DEPDC1B: variants seen among roughly 807,000 people sequenced by gnomAD.
DEPDC1B encodes DEP domain containing 1B.
DEPDC1B carries 51 observed loss-of-function variants against 66.5 expected under a neutral mutation model. The observed-to-expected ratio is 0.77, with a 90% confidence interval of 0.61 to 0.97. The LOEUF is 0.97. Ranked by LOEUF, DEPDC1B falls within the 50% of genes least tolerant of loss-of-function variation. DEPDC1B has a pLI of 0.00. For missense variants in DEPDC1B, 552 were observed against 637.1 expected, an observed-to-expected ratio of 0.87 and a Z score of 1.44; for synonymous variants, 226 against 223.6, an observed-to-expected ratio of 1.01 and a Z score of -0.10.
At chr5:60,643,212 T>C (rs1056425319) in intron 5 of DEPDC1B, among the ~76,000 whole-genome samples, 2 of 152,112 alleles carry the variant, frequency 1.3e-5, no homozygotes, top group Admixed American at 1.3e-4. Flanking sequence ...AGAAAAAATA[T>C]TAGTCGTCAA....
chr5:60,648,390 T>C (rs189136546), intron 2 of DEPDC1B, among the ~76,000 whole-genome samples: 11 of 152,330 alleles, frequency 7.2e-5, no homozygotes, highest in Admixed American at 2.6e-4. Context: ...TCTCTAAAAT[T>C]TATTGCTCTT....
intron 2 of DEPDC1B, among the ~76,000 whole-genome samples, chr5:60,678,130 AT>A (rs989085128): frequency 1.3e-4 from 20 of 148,726 alleles, no homozygotes; most frequent in South Asian, 2.1e-4. Flanking sequence ...GTAAAATAAA[AT>A]TTTTTTTTTT....
chr5:60,601,912 G>A (rs1184762009), intron 9 of DEPDC1B, among the ~76,000 whole-genome samples: 1 of 152,096 alleles, frequency 6.6e-6, no homozygotes, highest in Non-Finnish European at 1.5e-5. Context: ...TTTTACAGAT[G>A]AGAAAAAGAA....
intron 2 of DEPDC1B, among the ~76,000 whole-genome samples, chr5:60,657,181 G>A (rs1230838807): frequency 3.9e-5 from 6 of 152,184 alleles, no homozygotes; most frequent in Admixed American, 3.9e-4. Context: ...TTATATGAGT[G>A]CTTATGTGTT....
At chr5:60,634,455 G>A (rs1376201061) in intron 7 of DEPDC1B, among the ~76,000 whole-genome samples, 2 of 151,976 alleles carry the variant, frequency 1.3e-5, no homozygotes, top group African/African-American at 2.4e-5. Context: ...GGCGGATCAC[G>A]AGATTAGGAG....
chr5:60,627,232 G>A (rs183634993), intron 7 of DEPDC1B, among the ~76,000 whole-genome samples: 24 of 151,988 alleles, frequency 1.6e-4, no homozygotes, highest in African/African-American at 5.5e-4. Context: ...TCACTAAGAG[G>A]TTACTGACAA....
intron 2 of DEPDC1B, among the ~76,000 whole-genome samples, chr5:60,671,361 C>T (rs1279450288): frequency 6.6e-6 from 1 of 152,212 alleles, no homozygotes; most frequent in Non-Finnish European, 1.5e-5. Flanking sequence ...CACAGGGGTG[C>T]ACAGCTCACA....
At chr5:60,651,561 TAA>T (rs762820812) in intron 2 of DEPDC1B, among the ~76,000 whole-genome samples, 37 of 149,622 alleles carry the variant, frequency 2.5e-4, no homozygotes, top group Non-Finnish European at 4.6e-4. Context: ...AAAAAAAAAC[TAA>T]AAAAAACTAC....
chr5:60,698,869 T>C (rs1219188842), intron 1 of DEPDC1B, among the ~76,000 whole-genome samples: 1 of 152,156 alleles, frequency 6.6e-6, no homozygotes, highest in East Asian at 1.9e-4. Flanking sequence ...TTTTGCTGTG[T>C]TGGCCAGGCT....
chr5:60,599,292 T>C (rs1474807452), intron 9 of DEPDC1B, 32 bp from the exon 10 acceptor site: 18 of 1,488,288 alleles, frequency 1.2e-5, no homozygotes, highest in Non-Finnish European at 1.4e-5. Context: ...TGAAAGAATA[T>C]AGCATATTTT....
chr5:60,667,463 A>C (rs935844316), intron 2 of DEPDC1B, among the ~76,000 whole-genome samples: 1 of 143,582 alleles, frequency 7.0e-6, no homozygotes, highest in South Asian at 2.2e-4. Context: ...ACATATATAC[A>C]AAAAATGGAT....
chr5:60,647,555 T>C (rs758835850), intron 2 of DEPDC1B, 22 bp from the exon 3 acceptor site: 2 of 1,610,226 alleles, frequency 1.2e-6, no homozygotes, highest in African/African-American at 1.3e-5. Flanking sequence ...GAAGAAATTC[T>C]CTATTACTGC....
intron 1 of DEPDC1B, among the ~76,000 whole-genome samples, chr5:60,699,443 GAAAAAA>G (rs528758437): frequency 5.6e-5 from 5 of 89,380 alleles, no homozygotes; most frequent in East Asian, 3.0e-4. Flanking sequence ...TTTTCTCCCA[GAAAAAA>G]AAAAAAAAAA....
chr5:60,638,207 T>C (rs975493642), intron 7 of DEPDC1B, among the ~76,000 whole-genome samples: 2 of 152,226 alleles, frequency 1.3e-5, no homozygotes, highest in African/African-American at 4.8e-5. Context: ...TTTTCCTTTC[T>C]ACCATGTTCC....
chr5:60,615,707 C>T (rs1752535158), intron 7 of DEPDC1B, among the ~76,000 whole-genome samples: 1 of 152,214 alleles, frequency 6.6e-6, no homozygotes, highest in African/African-American at 2.4e-5. Context: ...GTAGACTCCA[C>T]CTCTGGGGGC....
At chr5:60,614,782 G>A (rs1269408400) in intron 7 of DEPDC1B, among the ~76,000 whole-genome samples, 1 of 152,190 alleles carries the variant, frequency 6.6e-6, no homozygotes, top group Non-Finnish European at 1.5e-5. Context: ...CCTGAGGTCA[G>A]GAGTTCGAGA....
At position 60,682,636 on chromosome 5, in the gene DEPDC1B, G is replaced by A. The variant is rs975393813; in HGVS notation, c.314+4326C>T. ...TTCAGAAAGTGAAAGATGGCAAAAG[G>A]CATAGAAAACCTATTTAATGAATAA... On this transcript the variant is annotated intron_variant, in intron 2 of 10. Transcript: ENST00000265036. Among the ~76,000 whole-genome samples, 3 of 152,050 alleles carry A rather than the reference G, an allele frequency of 2.0e-5. No individual in the cohort carries two copies. The East Asian group carries it at 5.8e-4, about 29-fold the overall frequency.
At chr5:60,639,905 C>A (rs115389869) in intron 6 of DEPDC1B, among the ~76,000 whole-genome samples, 2,922 of 152,226 alleles carry the variant, frequency 0.019, 62 homozygotes, top group Non-Finnish European at 0.024. Flanking sequence ...AGACCTCTAC[C>A]CCCAGAGGAT....
chr5:60,666,392 G>T (rs2111963395), intron 2 of DEPDC1B, among the ~76,000 whole-genome samples: 1 of 152,212 alleles, frequency 6.6e-6, no homozygotes, highest in East Asian at 1.9e-4. Flanking sequence ...AGAACAAAAG[G>T]CTTGCTGCCA....
Sources: gnomAD v4.1 joint callset for allele counts (sites outside exome capture counted in the v4.1 genomes callset) on GRCh38, gnomAD v4.1.1 for gene constraint, MANE v1.5 for transcripts, NCBI Gene and HGNC (gene_info 2026-07-23, HGNC 2026-07-21) for gene names.